Variants in CSMD1 observed in about 807,000 individuals in gnomAD.
CSMD1 encodes the protein CUB and sushi domain-containing protein 1.
Under a neutral mutation model 417.5 loss-of-function variants are expected in CSMD1, and 213 were observed. That is an observed-to-expected ratio of 0.51 (90% CI 0.46 to 0.57). CSMD1 has a LOEUF of 0.57. CSMD1 is among the 20% of genes least tolerant of loss of function. CSMD1 has a pLI of 0.00. For missense variants in CSMD1, 6,923 were observed against 4,529.7 expected, an observed-to-expected ratio of 1.53 and a Z score of -15.17; for synonymous variants, 2,862 against 1,736.8, an observed-to-expected ratio of 1.65 and a Z score of -16.11.
chr8:3,941,022 C>T (rs77122598), intron 5 of CSMD1, among the ~76,000 whole-genome samples: 1,655 of 151,734 alleles, frequency 0.011, 35 homozygotes, highest in African/African-American at 0.037. Context: ...TATTTCCATG[C>T]TACATGTGAT....
intron 3 of CSMD1, among the ~76,000 whole-genome samples, chr8:4,165,619 G>C (rs904294614): frequency 3.3e-5 from 5 of 152,104 alleles, no homozygotes; most frequent in Non-Finnish European, 7.4e-5. Flanking sequence ...CCCAGGCTTG[G>C]CTTGAACTCC....
At chr8:4,297,690 A>G (rs572622441) in intron 3 of CSMD1, among the ~76,000 whole-genome samples, 1 of 152,296 alleles carries the variant, frequency 6.6e-6, no homozygotes, top group South Asian at 2.1e-4. Flanking sequence ...TTTTAGCATT[A>G]ACCCGGAGCC....
At chr8:4,119,622 G>C (rs573306579) in intron 3 of CSMD1, among the ~76,000 whole-genome samples, 9 of 152,106 alleles carry the variant, frequency 5.9e-5, no homozygotes, top group African/African-American at 1.9e-4. Context: ...CTTCTGCTCT[G>C]TCTGTGCTCT....
chr8:4,233,289 G>A (rs368721960), intron 3 of CSMD1, among the ~76,000 whole-genome samples: 10 of 151,996 alleles, frequency 6.6e-5, no homozygotes, highest in South Asian at 2.1e-4. Context: ...CCCACTCTCC[G>A]CCAGCCACAT....
intron 5 of CSMD1, among the ~76,000 whole-genome samples, chr8:3,769,923 T>A (rs929018672): frequency 6.6e-6 from 1 of 152,220 alleles, no homozygotes; most frequent in Non-Finnish European, 1.5e-5. Context: ...TATTGCAATA[T>A]TGCTCTTTAC....
intron 49 of CSMD1, among the ~76,000 whole-genome samples, chr8:3,055,998 GACAAATTATT>G (rs2128991321): frequency 6.6e-6 from 1 of 152,290 alleles, no homozygotes; most frequent in East Asian, 1.9e-4. Context: ...TTCAATCAAT[GACAAATTATT>G]ATACGCAGAA....
rs533468044 is a variant in CSMD1 at position 3,952,336 on chromosome 8, A to G, written c.818+45567T>C. Among the ~76,000 whole-genome samples, 27 of 152,348 alleles carry G rather than the reference A, an allele frequency of 1.8e-4. No individual in the cohort carries two copies. In the South Asian group the frequency reaches 5.2e-3, roughly 29 times the overall value. On this transcript the variant is annotated intron_variant, in intron 5 of 69. Transcript: ENST00000635120. ...TAAATTGCATGCAGAAGCCAATAGA[A>G]TAATTCAACCATCTTCTGTTGAACC...
chr8:3,918,812 T>C (rs1809014810), intron 5 of CSMD1, among the ~76,000 whole-genome samples: 1 of 152,066 alleles, frequency 6.6e-6, no homozygotes, highest in Non-Finnish European at 1.5e-5. Flanking sequence ...CATTCATAAA[T>C]GGGAGCCAAA....
chr8:3,401,316 T>C (rs1184882926), intron 15 of CSMD1, among the ~76,000 whole-genome samples: 1 of 152,158 alleles, frequency 6.6e-6, no homozygotes, highest in African/African-American at 2.4e-5. Context: ...TCCTTTACTT[T>C]AGTAATTTTA....
intron 1 of CSMD1, among the ~76,000 whole-genome samples, chr8:4,838,083 G>A (rs934476190): frequency 2.0e-5 from 3 of 152,010 alleles, no homozygotes; most frequent in Admixed American, 6.6e-5. Context: ...TGGATTTGCC[G>A]GTAATAAAAA....
At chr8:3,830,861 T>C (rs1219499723) in intron 5 of CSMD1, among the ~76,000 whole-genome samples, 1 of 152,234 alleles carries the variant, frequency 6.6e-6, no homozygotes, top group Non-Finnish European at 1.5e-5. Flanking sequence ...ATGACAGTTT[T>C]AAGTGTGTCT....
chr8:3,316,322 TA>T lies in CSMD1; in HGVS notation c.3632-7820del, dbSNP rs374504160. Among the ~76,000 whole-genome samples the T allele has an allele frequency of 7.8e-3, 1,181 of 151,836 alleles. 20 individuals carry two copies. Among genetic ancestry groups the T allele is most frequent in the African/African-American group, 0.026 (1,067 of 41,440 alleles). On this transcript the variant is annotated intron_variant, in intron 23 of 69. Coordinates refer to ENST00000635120, the MANE Select transcript of CSMD1 (RefSeq NM_033225.6). Reference sequence around the variant, plus strand: ...AAAAATAAAGGAAAATAATGAGCTGTAAAAAAAATGTTTTCAAATCTATCAG... The same window carrying T: ...AAAAATAAAGGAAAATAATGAGCTGTAAAAAAATGTTTTCAAATCTATCAG...
At chr8:3,557,129 T>C (rs1000386011) in intron 10 of CSMD1, among the ~76,000 whole-genome samples, 10 of 152,230 alleles carry the variant, frequency 6.6e-5, no homozygotes, top group Non-Finnish European at 1.5e-4. Flanking sequence ...ACGACTGAGC[T>C]TCACTGCCAC....
chr8:3,943,869 G>A lies in CSMD1; in HGVS notation c.818+54034C>T, dbSNP rs181502410. Among the ~76,000 whole-genome samples, 5 of 152,214 alleles carry A rather than the reference G, an allele frequency of 3.3e-5. No individual in the cohort carries two copies. The South Asian group carries it at 1.0e-3, about 32-fold the overall frequency. ...ATTGCCGTTTCCTATTTAGGGAAAC[G>A]AAAGAGACATGGCAGCTAAATGCAA... is the stretch of plus-strand genomic sequence containing the variant. On this transcript the variant is annotated intron_variant, in intron 5 of 69. Transcript: ENST00000635120.
chr8:4,439,558 C>T (rs1798343228), intron 2 of CSMD1, among the ~76,000 whole-genome samples: 1 of 151,990 alleles, frequency 6.6e-6, no homozygotes, highest in South Asian at 2.1e-4. Context: ...TATGAGTTTA[C>T]TATCTGCTGA....
chr8:3,562,075 A>C (rs1189468564), intron 10 of CSMD1, among the ~76,000 whole-genome samples: 3 of 152,120 alleles, frequency 2.0e-5, no homozygotes, highest in Non-Finnish European at 4.4e-5. Flanking sequence ...TTAGAGTAAA[A>C]ATTCGGTACC....
intron 10 of CSMD1, among the ~76,000 whole-genome samples, chr8:3,535,253 A>G (rs533917216): frequency 1.2e-4 from 18 of 152,100 alleles, no homozygotes; most frequent in Non-Finnish European, 2.1e-4. Flanking sequence ...GCACCCAGCC[A>G]CTGTGGGAAG....
chr8:3,484,139 A>G (rs1817893210), intron 11 of CSMD1, among the ~76,000 whole-genome samples: 1 of 152,244 alleles, frequency 6.6e-6, no homozygotes, highest in Non-Finnish European at 1.5e-5. Context: ...GTCTCTTGAC[A>G]AAGAACAATA....
At chr8:3,666,092 C>T (rs545518475) in intron 7 of CSMD1, among the ~76,000 whole-genome samples, 37 of 152,288 alleles carry the variant, frequency 2.4e-4, no homozygotes, top group African/African-American at 8.4e-4. Flanking sequence ...GACAGTGTTT[C>T]ACCATGTTGG....
Sources: allele counts gnomAD v4.1 joint callset (sites outside exome capture counted in the v4.1 genomes callset), GRCh38; gene constraint gnomAD v4.1.1; transcripts MANE v1.5; gene names NCBI Gene and HGNC (gene_info 2026-07-23, HGNC 2026-07-21).